Variants in TTC13 observed in about 807,000 individuals in gnomAD.
TTC13 encodes tetratricopeptide repeat protein 13.
A neutral mutation model predicts 120.0 loss-of-function variants in TTC13; 62 were observed. The observed-to-expected ratio is 0.52, with a 90% CI of 0.42 to 0.64. TTC13 has a LOEUF of 0.64. Ranked by LOEUF, TTC13 falls within the 30% of genes least tolerant of loss-of-function variation. The pLI, the probability that TTC13 is intolerant of heterozygous loss-of-function variation, is 0.00. For synonymous variants in TTC13, 384 were observed against 393.5 expected (o/e 0.98, Z 0.28); for missense variants, 824 against 1,050.2 (o/e 0.78, Z 2.98).
rs12080773 is a variant in TTC13 at position 230,923,429 on chromosome 1, C to G, written c.1814+412G>C. On this transcript the variant is annotated intron_variant, in intron 15 of 22. Transcript: ENST00000366661. ...TGTGTGTTGGGGTGGAATGGGGAGC[C>G]GCCCACCGTGAGAGACTCCACCACG... Among the ~76,000 whole-genome samples, 1,257 of 151,942 alleles carry G rather than the reference C, an allele frequency of 8.3e-3. 18 individuals are homozygous for G. The highest frequency in any genetic ancestry group is 0.029 in the African/African-American group (1,182 of 41,410).
chr1:230,948,097 A>G (rs2102907767), intron 4 of TTC13, among the ~76,000 whole-genome samples: 1 of 152,328 alleles, frequency 6.6e-6, no homozygotes, highest in Non-Finnish European at 1.5e-5. Flanking sequence ...AAGTCTCATC[A>G]TATCATTTCC....
Position 230,914,688 on chromosome 1 carries a change from C to A in TTC13, c.2093+1505G>T, listed in dbSNP as rs939540695. Among the ~76,000 whole-genome samples the A allele has an allele frequency of 2.0e-5, 3 of 152,184 alleles. No individual in the cohort carries two copies. In the South Asian group the frequency reaches 6.2e-4, roughly 32 times the overall value. Reference sequence around the variant, plus strand: ...GATTACAGGCGTGAGCCACTGCGCCCGGCCGACTTTCTTAATAACATTTTC... The same window carrying A: ...GATTACAGGCGTGAGCCACTGCGCCAGGCCGACTTTCTTAATAACATTTTC... On this transcript the variant is annotated intron_variant, in intron 18 of 22. Transcript: ENST00000366661.
At chr1:230,955,670 CA>C (rs34027679) in intron 3 of TTC13, among the ~76,000 whole-genome samples, 134 of 105,934 alleles carry the variant, frequency 1.3e-3, no homozygotes, top group Admixed American at 1.6e-3. Context: ...GACTCCATCT[CA>C]AAAAAAAAAA....
intron 17 of TTC13, 45 bp from the exon 18 acceptor site, chr1:230,916,347 T>C (rs1229372901): frequency 7.2e-7 from 1 of 1,395,876 alleles, no homozygotes; most frequent in Non-Finnish European, 1.0e-6. Flanking sequence ...TTTCATTCAC[T>C]GTAAACCCCA....
chr1:230,953,942 G>A (rs1018105240), intron 4 of TTC13, among the ~76,000 whole-genome samples: 1 of 152,194 alleles, frequency 6.6e-6, no homozygotes, highest in Non-Finnish European at 1.5e-5. Context: ...GTGAAATTAA[G>A]CTGGAATTTC....
chr1:230,939,993 C>T (rs1674398432), intron 7 of TTC13, among the ~76,000 whole-genome samples: 1 of 152,148 alleles, frequency 6.6e-6, no homozygotes, highest in African/African-American at 2.4e-5. Context: ...CCTTGTCAGG[C>T]TTGGGTCACT....
chr1:230,957,145 C>T (rs1201300582), intron 3 of TTC13, among the ~76,000 whole-genome samples: 1 of 152,172 alleles, frequency 6.6e-6, no homozygotes, highest in Non-Finnish European at 1.5e-5. Context: ...CTCAAAGCCT[C>T]CTCAAAGAAT....
rs12034285 is a variant in TTC13, at chr1:230,909,428, C to G, written c.2310-408G>C. Among the ~76,000 whole-genome samples the G allele has an allele frequency of 4.6e-5, 7 of 152,220 alleles. No homozygotes were observed. In the East Asian group the frequency reaches 9.7e-4, roughly 21 times the overall value. The stretch of plus-strand genomic sequence containing the variant: ...GGTGGATCACTTGAGGTCAGGAGTT[C>G]GAGACCAGCCTGACCAACATGGCAA... On this transcript the variant is annotated intron_variant, in intron 20 of 22. Transcript: ENST00000366661.
At chr1:230,933,690 A>G (rs1673776122) in intron 9 of TTC13, 89 bp downstream of exon 9, 3 of 686,838 alleles carry the variant, frequency 4.4e-6, no homozygotes, top group Non-Finnish European at 7.3e-6. Context: ...TGGTTAAGAA[A>G]TACTATTTCT....
rs111731586 is a variant in TTC13, at chr1:230,931,184, C to A, written c.1300+114G>T. On this transcript the variant is annotated intron_variant, in intron 11 of 22. Coordinates refer to ENST00000366661, the MANE Select transcript of TTC13 (RefSeq NM_024525.5). ...TGACAAGGTGTGGCTGTGGATGAGT[C>A]ACCTGGCCTCTTTCAGACTCCACTG... 2.4e-5 allele frequency: 26 copies of A among 1,079,736 alleles called. No individual in the cohort carries two copies. In the African/African-American group the frequency reaches 2.7e-4, roughly 11 times the overall value. The allele number at this position is 1,079,736 out of a possible 1,614,324, so 66.9% of individuals were successfully genotyped here.
intron 22 of TTC13, chr1:230,908,439 C>A: frequency 2.0e-6 from 1 of 510,110 alleles, no homozygotes; most frequent in Non-Finnish European, 3.7e-6. Flanking sequence ...ATCCTTCCAC[C>A]TCAGCCTCCC....
chr1:230,927,661 G>A (rs1673158425), intron 12 of TTC13, among the ~76,000 whole-genome samples: 1 of 151,970 alleles, frequency 6.6e-6, no homozygotes, highest in African/African-American at 2.4e-5. Context: ...CTTTCCTTAT[G>A]GTGTCATTTG....
At chr1:230,943,337 G>C (rs1347783260) in intron 6 of TTC13, among the ~76,000 whole-genome samples, 1 of 151,660 alleles carries the variant, frequency 6.6e-6, no homozygotes, top group Non-Finnish European at 1.5e-5. Flanking sequence ...CAACCCAAAT[G>C]TCCAACAACA....
At chr1:230,967,157 T>C (rs1365698745) in intron 1 of TTC13, among the ~76,000 whole-genome samples, 1 of 147,384 alleles carries the variant, frequency 6.8e-6, no homozygotes, top group African/African-American at 2.5e-5. Flanking sequence ...AAAATATTTA[T>C]ATTAATTTAG....
chr1:230,925,394 C>T (rs778051577), intron 13 of TTC13, 123 bp downstream of exon 13: 38 of 1,135,332 alleles, frequency 3.3e-5, no homozygotes, highest in Non-Finnish European at 4.6e-5. Context: ...CATTTCTATT[C>T]TGATCACATG....
rs977966187 is a variant in TTC13, at chr1:230,940,991, C to T, written c.673-435G>A. ...GTCTTCCATGGTCTTTAGCTCTGTC[C>T]TCTATGGTAAGAAGAGCTGAATGAC... is the stretch of plus-strand genomic sequence containing the variant. On this transcript the variant is annotated intron_variant, in intron 6 of 22. Transcript: ENST00000366661. This position sits in a 1 kb window ranked among gnomAD's most constrained non-coding sequence, Gnocchi z 4.1. 6.6e-6 allele frequency among the ~76,000 whole-genome samples: 1 copy of T among 152,134 alleles called. No homozygotes were observed. The highest frequency in any genetic ancestry group is 2.4e-5 in the African/African-American group (1 of 41,428).
At chr1:230,913,916 G>A (rs1343706772) in intron 18 of TTC13, among the ~76,000 whole-genome samples, 1 of 152,200 alleles carries the variant, frequency 6.6e-6, no homozygotes, top group Non-Finnish European at 1.5e-5. Context: ...CTTTGTGAGA[G>A]GCTGTGAATG....
chr1:230,918,865 G>C (rs763498113), intron 17 of TTC13, among the ~76,000 whole-genome samples: 4 of 152,096 alleles, frequency 2.6e-5, no homozygotes, highest in Admixed American at 6.5e-5. Flanking sequence ...AATTTTACAT[G>C]AATCAATCTC....
chr1:230,939,123 A>G (rs1041658391), intron 8 of TTC13, among the ~76,000 whole-genome samples: 1 of 152,238 alleles, frequency 6.6e-6, no homozygotes, highest in Non-Finnish European at 1.5e-5. Flanking sequence ...CTTTGTTTAT[A>G]TTACATTCTT....
Sources: allele counts gnomAD v4.1 joint callset (sites outside exome capture counted in the v4.1 genomes callset), GRCh38; gene constraint gnomAD v4.1.1; non-coding constraint Gnocchi (gnomAD v3.1); transcripts MANE v1.5; gene names NCBI Gene and HGNC (gene_info 2026-07-23, HGNC 2026-07-21).